NDRG2: variants seen among roughly 807,000 people sequenced by gnomAD.
NDRG2 encodes the protein protein NDRG2.
A neutral mutation model predicts 58.2 loss-of-function variants in NDRG2; 34 were observed. The observed-to-expected ratio is 0.58, with a 90% CI of 0.44 to 0.78. The LOEUF is 0.78. Ranked by LOEUF, NDRG2 falls within the 30% of genes least tolerant of loss-of-function variation. The pLI, the probability that NDRG2 is intolerant of heterozygous loss-of-function variation, is 0.00. For missense variants in NDRG2, 434 were observed against 471.2 expected, an observed-to-expected ratio of 0.92 and a Z score of 0.73; for synonymous variants, 187 against 175.9, an observed-to-expected ratio of 1.06 and a Z score of -0.50.
In NDRG2 at chr14:21,019,686, A is replaced by G. The variant is rs1878998038; in HGVS notation, c.669T>C (p.His223=). Residue 223 remains histidine, a synonymous_variant, in exon 10 of 16, where the codon CAT becomes CAC. Coordinates refer to ENST00000556147, the MANE Select transcript of NDRG2 (RefSeq NM_001320329.2). ...ATTCAATGTTATCCAGGTTGGGTGC[A>G]TGTGTAATGATATTTCTGTACTTTT... ...LIQKYRNIIT[H]APNLDNIELY... 6.2e-7 allele frequency: 1 copy of G among 1,614,026 alleles called. No homozygotes were observed.
At chr14:21,034,915 T>G (rs1025901428) in intron 1 of NDRG2, 1 of 152,464 alleles carries the variant, frequency 6.6e-6, no homozygotes, top group Non-Finnish European at 1.5e-5. Context: ...TTACTTCCAA[T>G]CTCCTTGCCA....
chr14:21,018,501 C>T lies in NDRG2; in HGVS notation c.817G>A (p.Glu273Lys). 1.2e-6 allele frequency: 2 copies of T among 1,613,948 alleles called. No individual in the cohort carries two copies. The highest frequency in any genetic ancestry group is 1.7e-6 in the Non-Finnish European group (2 of 1,179,938). ...DQAPHEDAVV[E>K]CNSKLDPTQT... ...GTGGGGTCCAGTTTTGAGTTACATT[C>T]CACCTGGAGTAAGCAGGAGGCTGAA... is the stretch of plus-strand genomic sequence containing the variant. The change falls in exon 13 of 16, where the codon GAA (glutamate) becomes AAA (lysine). Residue 273 changes from glutamate to lysine, a missense_variant. Transcript: ENST00000556147.
chr14:21,038,679 G>T (rs923483612), intron 1 of NDRG2, among the ~76,000 whole-genome samples: 2 of 152,224 alleles, frequency 1.3e-5, no homozygotes, highest in African/African-American at 2.4e-5. Flanking sequence ...TTGCCCGATT[G>T]TGACAGACCC....
At chr14:21,022,305 AC>A in intron 4 of NDRG2, 86 bp downstream of exon 4, 1 of 1,571,540 alleles carries the variant, frequency 6.4e-7, no homozygotes, top group African/African-American at 1.4e-5. Flanking sequence ...TCCCACACTG[AC>A]CCCTCCCCTC....
At chr14:21,022,952 C>T (rs778804137) in intron 2 of NDRG2, 47 bp from the exon 3 acceptor site, 6 of 1,606,430 alleles carry the variant, frequency 3.7e-6, no homozygotes, top group Non-Finnish European at 5.1e-6. Flanking sequence ...GACCATGTGG[C>T]GTCCCAGATG....
chr14:21,016,930 C>T lies in NDRG2; in HGVS notation c.*666G>A, dbSNP rs1214813716. 1 of 456,600 alleles carries T rather than the reference C, an allele frequency of 2.2e-6. No homozygotes were observed. Among genetic ancestry groups the T allele is most frequent in the Non-Finnish European group, 4.4e-6 (1 of 226,818 alleles). 28.3% of individuals were successfully genotyped at this position (456,600 alleles called of 1,614,324 possible). A position where few individuals can be genotyped will look rare whatever the true frequency, so the allele number is the denominator to read the frequency against. On this transcript the variant is annotated 3_prime_UTR_variant, in exon 16 of 16. Transcript: ENST00000556147. ...CCAAGCTTAGCTCCCTCCCCAGTCC[C>T]ACTCTAGATGCACACTGAGCTACCA...
At chr14:21,044,424 T>C (rs1566497424) in intron 1 of NDRG2, among the ~76,000 whole-genome samples, 1 of 152,162 alleles carries the variant, frequency 6.6e-6, no homozygotes, top group Non-Finnish European at 1.5e-5. Context: ...GGATCACATT[T>C]CCTTTGACCT....
chr14:21,036,028 T>C, intron 1 of NDRG2: 1 of 377,436 alleles, frequency 2.6e-6, no homozygotes, highest in Non-Finnish European at 5.2e-6. Flanking sequence ...ATTTTTTACC[T>C]CACGGCAGTA....
Position 21,018,128 on chromosome 14 carries a change from T to C in NDRG2, c.897+76A>G. On this transcript the variant is annotated intron_variant, in intron 14 of 15. Coordinates refer to ENST00000556147, the MANE Select transcript of NDRG2 (RefSeq NM_001320329.2). ...GGCTGCGGCACTGTGGGGCCGGGTG[T>C]GTGGCAAAGGGCAGAGCCCAGTGCC... The C allele has an allele frequency of 3.1e-6, 5 of 1,600,844 alleles. No individual in the cohort carries two copies. In the East Asian group the frequency reaches 1.1e-4, roughly 36 times the overall value.
intron 1 of NDRG2, among the ~76,000 whole-genome samples, chr14:21,060,420 C>G (rs1885897488): frequency 6.6e-6 from 1 of 152,172 alleles, no homozygotes; most frequent in Non-Finnish European, 1.5e-5. Context: ...ATTCTTCCAT[C>G]CCCTGGCTTC....
chr14:21,031,024 C>T (rs773454601), intron 1 of NDRG2: 1 of 1,609,714 alleles, frequency 6.2e-7, no homozygotes, highest in South Asian at 1.1e-5. Context: ...CCAAGAACGC[C>T]CGAACCATCA....
chr14:21,026,218 G>A (rs113940311), upstream of NDRG2, among the ~76,000 whole-genome samples: 1 of 152,120 alleles, frequency 6.6e-6, no homozygotes, highest in African/African-American at 2.4e-5. Context: ...TCCCTGGAAT[G>A]AGTTAGTTGA....
At chr14:21,057,464 T>C (rs1051132771) in intron 1 of NDRG2, among the ~76,000 whole-genome samples, 3 of 151,802 alleles carry the variant, frequency 2.0e-5, no homozygotes, top group Non-Finnish European at 2.9e-5. Flanking sequence ...TAGTTTCTCT[T>C]TGTGATTTCT....
At chr14:21,031,714 C>T (rs564653708) in intron 1 of NDRG2, among the ~76,000 whole-genome samples, 48 of 152,266 alleles carry the variant, frequency 3.2e-4, no homozygotes, top group African/African-American at 1.1e-3. Flanking sequence ...CATGAGTGAA[C>T]GGCTCTTACC....
At chr14:21,057,725 G>C in intron 1 of NDRG2, 1 of 608,094 alleles carries the variant, frequency 1.6e-6, no homozygotes, top group South Asian at 2.2e-5. Flanking sequence ...ATTATCTGCT[G>C]GTACTAAACA....
chr14:21,069,249 G>A (rs1886481005), intron 1 of NDRG2, among the ~76,000 whole-genome samples: 1 of 152,190 alleles, frequency 6.6e-6, no homozygotes, highest in African/African-American at 2.4e-5. Flanking sequence ...GACACTGTCG[G>A]GGGACGCTCG....
At chr14:21,047,989 T>G (rs982020180) in intron 1 of NDRG2, among the ~76,000 whole-genome samples, 2 of 152,122 alleles carry the variant, frequency 1.3e-5, no homozygotes, top group Non-Finnish European at 1.5e-5. Flanking sequence ...CAGGACCCTT[T>G]GGCCCTCTTC....
chr14:21,022,047 C>T lies in NDRG2; in HGVS notation c.344+15G>A. 2.5e-6 allele frequency: 4 copies of T among 1,614,146 alleles called. No individual in the cohort carries two copies. Among genetic ancestry groups the T allele is most frequent in the South Asian group, 1.1e-5 (1 of 91,078 alleles). On this transcript the variant is annotated intron_variant, in intron 5 of 15. Coordinates refer to ENST00000556147, the MANE Select transcript of NDRG2 (RefSeq NM_001320329.2). ...TCCTCACAGTCTGGTGAAGCAGTAA[C>T]GACCTAACTCTTACCCCAAAGGGAA...
At chr14:21,060,679 G>C (rs1885908910) in intron 1 of NDRG2, among the ~76,000 whole-genome samples, 1 of 152,112 alleles carries the variant, frequency 6.6e-6, no homozygotes, top group Non-Finnish European at 1.5e-5. Flanking sequence ...TGTCCCACAG[G>C]CATCTCAACC....
Sources: gnomAD v4.1 joint callset for allele counts (sites outside exome capture counted in the v4.1 genomes callset) on GRCh38, gnomAD v4.1.1 for gene constraint, MANE v1.5 for transcripts, NCBI Gene and HGNC (gene_info 2026-07-23, HGNC 2026-07-21) for gene names.